The following HSD17B14 variants were observed in gnomAD, a reference collection of about 807,000 sequenced individuals.
HSD17B14 encodes L-fucose dehydrogenase.
In HSD17B14, 32 loss-of-function variants were observed where a neutral mutation model predicts 32.2. The observed-to-expected ratio is 0.99, with a 90% CI of 0.75 to 1.33. The LOEUF is 1.33. Ranked by LOEUF, HSD17B14 falls within the 40% of genes most tolerant of loss-of-function variation. The pLI is 0.00. For synonymous variants in HSD17B14, 140 were observed against 155.4 expected, an observed-to-expected ratio of 0.90 and a Z score of 0.74; for missense variants, 370 against 366.5, an observed-to-expected ratio of 1.01 and a Z score of -0.08.
At chr19:48,819,114 G>T (rs562229799) in intron 5 of HSD17B14, among the ~76,000 whole-genome samples, 2 of 152,062 alleles carry the variant, frequency 1.3e-5, no homozygotes, top group African/African-American at 4.8e-5. Context: ...TCAGCCTCCC[G>T]AGTAGCTGGG....
intron 5 of HSD17B14, among the ~76,000 whole-genome samples, chr19:48,818,989 T>TTTTG (rs1032005298): frequency 1.3e-5 from 2 of 152,110 alleles, no homozygotes; most frequent in Non-Finnish European, 2.9e-5. Context: ...CAACTCCTTT[T>TTTTG]TTTGTTTGTT....
intron 4 of HSD17B14, among the ~76,000 whole-genome samples, 187 bp from the exon 5 acceptor site, chr19:48,831,946 C>T (rs12972947): frequency 0.079 from 11,947 of 151,206 alleles, 579 homozygotes; most frequent in South Asian, 0.13. Context: ...GGTGTGGTGG[C>T]GGGTGCCTAT....
intron 5 of HSD17B14, among the ~76,000 whole-genome samples, chr19:48,820,513 A>G (rs960761404): frequency 6.6e-6 from 1 of 151,778 alleles, no homozygotes; most frequent in Middle Eastern, 3.4e-3. Context: ...ACTTGACTAA[A>G]TAGAGGACTG....
intron 5 of HSD17B14, among the ~76,000 whole-genome samples, chr19:48,828,146 G>A (rs1319950409): frequency 3.9e-5 from 6 of 152,300 alleles, no homozygotes; most frequent in South Asian, 2.1e-4. Context: ...GAGGTGCCGC[G>A]CCCGGCCAAA....
intron 6 of HSD17B14, among the ~76,000 whole-genome samples, chr19:48,813,992 C>T (rs1036528668): frequency 2.0e-5 from 3 of 151,228 alleles, no homozygotes; most frequent in Non-Finnish European, 2.9e-5. Flanking sequence ...GCCAGGAGTT[C>T]GAGACCAGCC....
At chr19:48,829,225 G>A (rs1386674034) in intron 5 of HSD17B14, among the ~76,000 whole-genome samples, 1 of 151,928 alleles carries the variant, frequency 6.6e-6, no homozygotes, top group Non-Finnish European at 1.5e-5. Flanking sequence ...GACTCGCTCT[G>A]TTGCCCAGGC....
chr19:48,827,194 C>G (rs896530674), intron 5 of HSD17B14, among the ~76,000 whole-genome samples: 13 of 151,974 alleles, frequency 8.6e-5, no homozygotes, highest in African/African-American at 2.4e-4. Context: ...AGGCGCCCAC[C>G]ACCACGCCTG....
intron 5 of HSD17B14, among the ~76,000 whole-genome samples, chr19:48,826,528 A>AATATATATATAT (rs1555776984): frequency 0.15 from 3,375 of 22,972 alleles, 370 homozygotes; most frequent in Admixed American, 0.24. Flanking sequence ...AAAAGAAGAA[A>AATATATATATAT]ATATATATAT....
intron 4 of HSD17B14, among the ~76,000 whole-genome samples, chr19:48,832,020 G>A (rs2035345718): frequency 6.7e-6 from 1 of 149,982 alleles, no homozygotes; most frequent in Admixed American, 6.7e-5. Flanking sequence ...GCAGGTTGCA[G>A]TGAGCCTAGA....
intron 5 of HSD17B14, among the ~76,000 whole-genome samples, chr19:48,815,352 C>T (rs976124659): frequency 1.3e-5 from 2 of 152,086 alleles, no homozygotes; most frequent in African/African-American, 2.4e-5. Flanking sequence ...AGGAGTCTCT[C>T]CTTGGTGGGA....
chr19:48,830,774 C>T (rs1325543896), intron 5 of HSD17B14, among the ~76,000 whole-genome samples: 1 of 152,028 alleles, frequency 6.6e-6, no homozygotes, highest in African/African-American at 2.4e-5. Flanking sequence ...CCTCTTGCCT[C>T]GGCCTCCCAA....
Position 48,815,036 on chromosome 19 carries a change from C to T in HSD17B14, c.474+1G>A. 5 of 1,612,286 alleles carry T rather than the reference C, an allele frequency of 3.1e-6. No individual in the cohort carries two copies. The highest frequency in any genetic ancestry group is 4.2e-6 in the Non-Finnish European group (5 of 1,178,640). ...GAAGGAAGGGGTAGGGGCTGCCATA[C>T]CTTGGTGGCCACATAGGGAACTGCC... On this transcript the variant is annotated splice_donor_variant, in intron 6 of 8. Transcript: ENST00000263278. LOFTEE classifies it high-confidence loss of function.
intron 5 of HSD17B14, among the ~76,000 whole-genome samples, chr19:48,822,272 GTGA>G (rs945819008): frequency 1.3e-4 from 20 of 150,014 alleles, no homozygotes; most frequent in South Asian, 4.3e-4. Flanking sequence ...AATGACGGTG[GTGA>G]TGATGATGAG....
intron 2 of HSD17B14, among the ~76,000 whole-genome samples, chr19:48,835,266 G>A (rs1346297093): frequency 4.8e-5 from 3 of 62,586 alleles, no homozygotes; most frequent in South Asian, 2.1e-3. Context: ...GGGGCTGGGG[G>A]CCTGGACTCC....
rs969682904 is a variant in HSD17B14, at chr19:48,834,501, C to A, written c.128-143G>T. On this transcript the variant is annotated intron_variant, in intron 2 of 8. Coordinates refer to ENST00000263278, the MANE Select transcript of HSD17B14 (RefSeq NM_016246.3). Reference sequence around the variant, plus strand: ...GGGAGGAGGGGCTGAGGTCTGGACTCCTGGGTCTGAGGAAGTAGGGCCTGG... The same window carrying A: ...GGGAGGAGGGGCTGAGGTCTGGACTACTGGGTCTGAGGAAGTAGGGCCTGG... The A allele has an allele frequency of 1.5e-5, 6 of 396,190 alleles. 1 individual carries two copies. The highest frequency in any genetic ancestry group is 2.5e-5 in the Non-Finnish European group (6 of 241,984). The allele number at this position is 396,190 out of a possible 1,614,324, so 24.5% of individuals were successfully genotyped here.
intron 5 of HSD17B14, among the ~76,000 whole-genome samples, chr19:48,818,649 C>T (rs956283923): frequency 1.3e-5 from 2 of 152,126 alleles, no homozygotes; most frequent in East Asian, 3.9e-4. Context: ...TCCCACACTC[C>T]CTGAGTGTCC....
At chr19:48,816,022 G>GAAAAAA (rs71179053) in intron 5 of HSD17B14, among the ~76,000 whole-genome samples, 12 of 74,242 alleles carry the variant, frequency 1.6e-4, no homozygotes, top group East Asian at 4.5e-4. Flanking sequence ...CTCCGTTTCA[G>GAAAAAA]AAAAAAAAAA....
intron 5 of HSD17B14, among the ~76,000 whole-genome samples, chr19:48,822,443 ATGG>A (rs144658638): frequency 0.23 from 33,362 of 147,598 alleles, 3,848 homozygotes; most frequent in Admixed American, 0.26. Context: ...AATTGTAGTG[ATGG>A]TGGTGATGAT....
intron 6 of HSD17B14, among the ~76,000 whole-genome samples, chr19:48,814,402 A>C (rs2035016375): frequency 6.6e-6 from 1 of 151,874 alleles, no homozygotes; most frequent in South Asian, 2.1e-4. Context: ...GCCACCTGTA[A>C]TCTCAGCTAC....
Sources: gnomAD v4.1 joint callset for allele counts (sites outside exome capture counted in the v4.1 genomes callset) on GRCh38, gnomAD v4.1.1 for gene constraint, MANE v1.5 for transcripts, NCBI Gene and HGNC (gene_info 2026-07-23, HGNC 2026-07-21) for gene names.